Variants in EMCN observed in about 807,000 individuals in gnomAD.
EMCN encodes MUC-14.
A neutral mutation model predicts 38.4 loss-of-function variants in EMCN; 37 were observed. That is an observed-to-expected ratio of 0.96 (90% CI 0.74 to 1.27). The LOEUF (loss-of-function observed/expected upper bound fraction) is 1.27. Among genes scored for constraint, EMCN ranks in the 50% most tolerant of loss-of-function variants. EMCN has a pLI of 0.00. For missense variants in EMCN, 318 were observed against 302.8 expected (o/e 1.05, Z -0.37); for synonymous variants, 95 against 100.8 (o/e 0.94, Z 0.35).
intron 7 of EMCN, among the ~76,000 whole-genome samples, chr4:100,422,322 T>C (rs1321351732): frequency 6.6e-6 from 1 of 152,084 alleles, no homozygotes; most frequent in Admixed American, 6.6e-5. Context: ...ATGCCGTGAA[T>C]CAGCAGGTCA....
In EMCN at chr4:100,410,311, C is replaced by T; in HGVS notation, c.*10G>A. ...TTATTGCCTAGGTGTGGAGAGAATT[C>T]CTCAAGCTGTCAGTTCTTGGTTTTT... On this transcript the variant is annotated 3_prime_UTR_variant, in exon 11 of 12. Coordinates refer to ENST00000296420, the MANE Select transcript of EMCN (RefSeq NM_016242.4). The T allele has an allele frequency of 6.2e-7, 1 of 1,613,316 alleles. No individual in the cohort carries two copies. Among genetic ancestry groups the T allele is most frequent in the Non-Finnish European group, 8.5e-7 (1 of 1,179,304 alleles).
intron 11 of EMCN, among the ~76,000 whole-genome samples, chr4:100,405,845 C>T (rs1392332060): frequency 6.6e-6 from 1 of 151,996 alleles, no homozygotes; most frequent in Non-Finnish European, 1.5e-5. Context: ...GTGAATCTGT[C>T]TGGTCCAGGG....
intron 2 of EMCN, among the ~76,000 whole-genome samples, chr4:100,476,557 T>G (rs1728657181): frequency 6.6e-6 from 1 of 152,198 alleles, no homozygotes; most frequent in African/African-American, 2.4e-5. Flanking sequence ...TATTATATTA[T>G]TTTGAGTCAA....
intron 11 of EMCN, 118 bp downstream of exon 11, chr4:100,410,164 A>G (rs1726511735): frequency 6.6e-6 from 5 of 755,478 alleles, no homozygotes; most frequent in Non-Finnish European, 1.1e-5. Context: ...TGATCATTGC[A>G]TTGACACAAA....
intron 4 of EMCN, among the ~76,000 whole-genome samples, chr4:100,460,660 C>T (rs964716519): frequency 6.6e-6 from 1 of 152,172 alleles, no homozygotes; most frequent in African/African-American, 2.4e-5. Context: ...CCCTCCAGGT[C>T]CCTCCCATGA....
intron 1 of EMCN, among the ~76,000 whole-genome samples, chr4:100,489,012 T>G (rs1291078399): frequency 1.3e-5 from 2 of 152,210 alleles, no homozygotes; most frequent in Admixed American, 1.3e-4. Context: ...ATTATTTGAT[T>G]CTAATAACAA....
chr4:100,437,154 T>C (rs752141813), intron 5 of EMCN, among the ~76,000 whole-genome samples: 4 of 152,236 alleles, frequency 2.6e-5, no homozygotes, highest in African/African-American at 4.8e-5. Context: ...ATAGTAGTTT[T>C]GATTTATATT....
intron 4 of EMCN, among the ~76,000 whole-genome samples, chr4:100,458,558 T>G (rs1387081230): frequency 6.6e-6 from 1 of 152,178 alleles, no homozygotes; most frequent in South Asian, 2.1e-4. Context: ...TTTTTATAAG[T>G]TTTTATAACT....
rs763810846 is a variant in EMCN at position 100,517,906 on chromosome 4, C to T, written c.9G>A (p.Leu3=). The change falls in exon 1 of 12, where the codon CTG becomes CTA. Residue 3 remains leucine, a synonymous_variant. Transcript: ENST00000296420. ME[L]LQVTILFLLP... ...GAAGAAAAAGAATGGTCACTTGAAG[C>T]AGTTCCATGGTGCCCGTAGATGGTG... The T allele has an allele frequency of 6.2e-6, 10 of 1,612,580 alleles. No individual in the cohort carries two copies. In the Admixed American group the frequency reaches 1.5e-4, roughly 24 times the overall value.
chr4:100,409,887 G>T (rs185550285), intron 11 of EMCN, among the ~76,000 whole-genome samples: 6 of 152,288 alleles, frequency 3.9e-5, no homozygotes, highest in African/African-American at 1.2e-4. Flanking sequence ...TCATTTTCTT[G>T]CAATAAACTG....
At chr4:100,486,136 A>G (rs1290372715) in intron 1 of EMCN, among the ~76,000 whole-genome samples, 1 of 152,174 alleles carries the variant, frequency 6.6e-6, no homozygotes, top group African/African-American at 2.4e-5. Context: ...AGTACTATAC[A>G]TAGCTGGTTC....
chr4:100,489,872 C>G (rs1340050160), intron 1 of EMCN, among the ~76,000 whole-genome samples: 1 of 152,106 alleles, frequency 6.6e-6, no homozygotes, highest in African/African-American at 2.4e-5. Flanking sequence ...TGTCCTAGAA[C>G]CAACCTCGTT....
At chr4:100,503,208 T>C (rs1308637903) in intron 1 of EMCN, among the ~76,000 whole-genome samples, 2 of 152,152 alleles carry the variant, frequency 1.3e-5, no homozygotes, top group African/African-American at 4.8e-5. Flanking sequence ...GAGAAGATTA[T>C]TAATGGCTGA....
chr4:100,423,132 G>T, intron 6 of EMCN, 52 bp from the exon 7 acceptor site: 2 of 1,549,716 alleles, frequency 1.3e-6, no homozygotes, highest in Non-Finnish European at 1.8e-6. Flanking sequence ...GCCAATTCTT[G>T]CAGTCCTCCC....
At chr4:100,435,921 A>G (rs1225456188) in intron 5 of EMCN, among the ~76,000 whole-genome samples, 1 of 152,174 alleles carries the variant, frequency 6.6e-6, no homozygotes, top group Non-Finnish European at 1.5e-5. Context: ...AAACTATAAA[A>G]ACCCTAGAAG....
intron 1 of EMCN, among the ~76,000 whole-genome samples, chr4:100,491,488 GCCCC>G (rs1273323144): frequency 6.6e-6 from 1 of 152,050 alleles, no homozygotes. Context: ...AAACCTAAAA[GCCCC>G]CCTGCCTCAA....
intron 4 of EMCN, among the ~76,000 whole-genome samples, chr4:100,463,862 T>A (rs1728246610): frequency 6.6e-6 from 1 of 152,168 alleles, no homozygotes; most frequent in South Asian, 2.1e-4. Flanking sequence ...CCTCTAACTT[T>A]GTTCTTTTTC....
At chr4:100,512,926 T>A (rs908219460) in intron 1 of EMCN, among the ~76,000 whole-genome samples, 1 of 152,072 alleles carries the variant, frequency 6.6e-6, no homozygotes, top group Non-Finnish European at 1.5e-5. Flanking sequence ...AGAATGTGAG[T>A]AACTTGAATT....
chr4:100,459,104 G>A (rs1054475335), intron 4 of EMCN, among the ~76,000 whole-genome samples: 3 of 151,390 alleles, frequency 2.0e-5, no homozygotes, highest in Non-Finnish European at 4.4e-5. Context: ...GAATTTGTAG[G>A]ACTTCTTTTA....
Sources: allele counts gnomAD v4.1 joint callset (sites outside exome capture counted in the v4.1 genomes callset), GRCh38; gene constraint gnomAD v4.1.1; transcripts MANE v1.5; gene names NCBI Gene and HGNC (gene_info 2026-07-23, HGNC 2026-07-21).